LACTBL1: variants seen among roughly 807,000 people sequenced by gnomAD.
LACTBL1 encodes beta-lactamase-like protein 1.
A neutral mutation model predicts 39.6 loss-of-function variants in LACTBL1; 29 were observed. The observed-to-expected ratio is 0.73, with a 90% CI of 0.55 to 1.00. LACTBL1 has a LOEUF of 1.00. LACTBL1 is among the 50% of genes least tolerant of loss of function. The probability of loss-of-function intolerance (pLI) is 0.00; values close to 1 mark genes in which losing one functional copy is unlikely to be tolerated. For missense variants in LACTBL1, 711 were observed against 748.5 expected (o/e 0.95, Z 0.59); for synonymous variants, 361 against 360.7 (o/e 1.00, Z -0.01).
chr1:22,959,949 T>C (rs572083584), exon 3 of LACTBL1: 2 of 1,551,124 alleles, frequency 1.3e-6, no homozygotes, highest in East Asian at 4.9e-5. Flanking sequence ...GACCTGTACA[T>C]GGTGTACTCA....
chr1:22,953,233 T>A (rs2124220196), exon 6 of LACTBL1: 1 of 1,231,924 alleles, frequency 8.1e-7, no homozygotes, highest in East Asian at 3.2e-5. Context: ...GTGGGCCACG[T>A]GCAGCTGGAA....
the LACTBL1 span, chr1:22,972,381 T>C: frequency 3.0e-6 from 3 of 984,682 alleles, no homozygotes; most frequent in African/African-American, 5.3e-5. Context: ...GGAGATCCCG[T>C]AAGCAGGAAA....
At chr1:22,953,919 C>T (rs1218539853) in exon 6 of LACTBL1, 1 of 1,550,234 alleles carries the variant, frequency 6.5e-7, no homozygotes, top group Non-Finnish European at 8.7e-7. Context: ...CCATCCCCAG[C>T]GGCTCCAGCA....
chr1:22,953,477 C>T, exon 6 of LACTBL1: 1 of 1,230,282 alleles, frequency 8.1e-7, no homozygotes, highest in Non-Finnish European at 1.0e-6. Context: ...AGGAGCTCAT[C>T]GTAGGCCCGC....
At chr1:22,966,324 G>A (rs977342353), upstream of LACTBL1, among the ~76,000 whole-genome samples, 5 of 152,132 alleles carry the variant, frequency 3.3e-5, no homozygotes, top group East Asian at 1.9e-4. Flanking sequence ...ACAGTTTTAC[G>A]AGGAGATGGG....
upstream of LACTBL1, among the ~76,000 whole-genome samples, chr1:22,969,398 C>T (rs537101227): frequency 3.9e-4 from 59 of 152,302 alleles, no homozygotes; most frequent in African/African-American, 1.4e-3. Context: ...TCTGTACATA[C>T]TGACATCTGC....
At chr1:22,961,887 C>T (rs541048419) in intron 2 of LACTBL1, among the ~76,000 whole-genome samples, 2 of 152,324 alleles carry the variant, frequency 1.3e-5, no homozygotes, top group East Asian at 1.9e-4. Context: ...GCTGGGATTA[C>T]AGGCATATGC....
chr1:22,961,934 G>C (rs377743223), intron 2 of LACTBL1, among the ~76,000 whole-genome samples: 1 of 151,886 alleles, frequency 6.6e-6, no homozygotes, highest in Non-Finnish European at 1.5e-5. Flanking sequence ...TTTTAGTAGA[G>C]ACAGGCTTTC....
intron 1 of LACTBL1, 67 bp downstream of exon 3, chr1:22,965,223 G>C: frequency 8.0e-7 from 1 of 1,256,808 alleles, no homozygotes. Flanking sequence ...AATCAGGGGT[G>C]GCAGCTCAAA....
chr1:22,953,729 G>T (rs1474515794), exon 6 of LACTBL1: 4 of 1,345,148 alleles, frequency 3.0e-6, no homozygotes, highest in East Asian at 6.2e-5. Flanking sequence ...CGCAGGAGCC[G>T]CCGGGGCCCG....
the LACTBL1 span, chr1:22,972,540 A>G: frequency 7.3e-6 from 4 of 548,744 alleles, no homozygotes; most frequent in Non-Finnish European, 9.3e-6. Context: ...CTCCCAGGTG[A>G]GAGAAACAGC....
chr1:22,963,071 C>T (rs1640842076), intron 2 of LACTBL1, 36 bp downstream of exon 4: 2 of 1,173,120 alleles, frequency 1.7e-6, no homozygotes, highest in African/African-American at 1.6e-5. Context: ...CCAGGCCCAG[C>T]CCATATGCCC....
the LACTBL1 span, among the ~76,000 whole-genome samples, chr1:22,971,078 C>A: frequency 6.6e-6 from 1 of 152,164 alleles, no homozygotes; most frequent in East Asian, 1.9e-4. Flanking sequence ...CTGCTATCCC[C>A]TAACTGGCAC....
At chr1:22,964,838 G>A (rs191837284) in intron 1 of LACTBL1, among the ~76,000 whole-genome samples, 144 of 152,282 alleles carry the variant, frequency 9.5e-4, no homozygotes, top group Non-Finnish European at 3.2e-4. Context: ...GCCTTGACCC[G>A]TTCAGGAAGG....
chr1:22,960,549 G>A (rs977983911), intron 2 of LACTBL1, among the ~76,000 whole-genome samples: 7 of 149,550 alleles, frequency 4.7e-5, no homozygotes, highest in Non-Finnish European at 5.9e-5. Flanking sequence ...CCCAGGAGGC[G>A]GAGGTTGCAG....
At chr1:22,954,325 T>G (rs1640741584) in intron 5 of LACTBL1, among the ~76,000 whole-genome samples, 1 of 152,156 alleles carries the variant, frequency 6.6e-6, no homozygotes, top group African/African-American at 2.4e-5. Flanking sequence ...TCCTTCACAC[T>G]TTAGTATGAT....
rs997962313 is a variant in LACTBL1, at chr1:22,953,873, C to A, written c.811G>T (p.Ala271Ser). The A allele has an allele frequency of 3.3e-5, 51 of 1,549,048 alleles. No individual in the cohort carries two copies. In the African/African-American group the frequency reaches 5.1e-4, roughly 15 times the overall value. ...CCGTAGAAGCCCGCGGCCAGGCGCG[C>A]GCGCACGTCGGGCGTGAGGTCAAAG... Residue 271 changes from alanine (A) to serine (S), a missense_variant, in exon 6 of 6, where the codon GCG becomes TCG. Ala to Ser is a moderately conservative substitution (Grantham distance 99). Coordinates refer to ENST00000426928, the Ensembl canonical transcript of LACTBL1.
In LACTBL1 at chr1:22,965,304, G is replaced by A. The variant is rs370532385; in HGVS notation, c.35C>T (p.Pro12Leu). 45 of 1,317,884 alleles carry A rather than the reference G, an allele frequency of 3.4e-5. No homozygotes were observed. In the East Asian group the frequency reaches 1.2e-3, roughly 36 times the overall value. The allele number at this position is 1,317,884 out of a possible 1,614,324, so 81.6% of individuals were successfully genotyped here. A position where few individuals can be genotyped will look rare whatever the true frequency, so the allele number is the denominator to read the frequency against. ...TCTGCACTCACCGGTCTTCAGCTTG[G>A]GGAGGTGATACTGCCACAGGAAGCA... Residue 12 changes from proline (P) to leucine (L), a missense_variant, in exon 1 of 6, where the codon CCC becomes CTC. Transcript: ENST00000426928.
intron 1 of LACTBL1, among the ~76,000 whole-genome samples, chr1:22,963,621 A>G (rs926594764): frequency 6.6e-5 from 10 of 152,180 alleles, no homozygotes; most frequent in Admixed American, 1.3e-4. Flanking sequence ...GGCCTAAACC[A>G]CAGCGACAAC....
Sources: allele counts gnomAD v4.1 joint callset (sites outside exome capture counted in the v4.1 genomes callset), GRCh38; gene constraint gnomAD v4.1.1; transcripts MANE v1.5; gene names NCBI Gene and HGNC (gene_info 2026-07-23, HGNC 2026-07-21).